The following ACOT7 variants were observed in gnomAD, a reference collection of about 807,000 sequenced individuals.
ACOT7 encodes cytosolic acyl coenzyme A thioester hydrolase.
A neutral mutation model predicts 40.2 loss-of-function variants in ACOT7; 12 were observed. The observed-to-expected ratio is 0.30, with a 90% CI of 0.19 to 0.48. The LOEUF is 0.48. ACOT7 is among the 20% of genes least tolerant of loss of function. The pLI, the probability that ACOT7 is intolerant of heterozygous loss-of-function variation, is 0.99. For missense variants in ACOT7, 395 were observed against 530.8 expected (o/e 0.74, Z 2.51); for synonymous variants, 228 against 219.5 (o/e 1.04, Z -0.34).
At position 6,300,249 on chromosome 1, in the gene ACOT7, G is replaced by A. The variant is rs559469753; in HGVS notation, c.713-5269C>T. Among the ~76,000 whole-genome samples the A allele has an allele frequency of 2.4e-4, 37 of 152,304 alleles. No homozygotes were observed. In the South Asian group the frequency reaches 6.4e-3, roughly 26 times the overall value. On this transcript the variant is annotated intron_variant, in intron 6 of 8. Transcript: ENST00000361521. ...AAGGGACACCAAAGCCTAGCATCAGGAGCCAGGACAGCACATGGACACAGG... is the reference window on the plus strand; with the variant it reads ...AAGGGACACCAAAGCCTAGCATCAGAAGCCAGGACAGCACATGGACACAGG...
intron 7 of ACOT7, among the ~76,000 whole-genome samples, chr1:6,293,389 G>A (rs1012123420): frequency 6.6e-6 from 1 of 152,196 alleles, no homozygotes; most frequent in African/African-American, 2.4e-5. Context: ...GCAGAGTCAC[G>A]CACCACACAG....
At chr1:6,374,646 C>T (rs1422798709) in intron 1 of ACOT7, among the ~76,000 whole-genome samples, 8 of 152,148 alleles carry the variant, frequency 5.3e-5, no homozygotes, top group Admixed American at 5.2e-4. Context: ...GGGTCCCTGC[C>T]CCACCTGCCA....
chr1:6,270,843 G>A (rs1006996496), intron 8 of ACOT7, among the ~76,000 whole-genome samples: 1 of 152,226 alleles, frequency 6.6e-6, no homozygotes, highest in African/African-American at 2.4e-5. Context: ...TGTCCTGCTG[G>A]TGTGTGGCTG....
chr1:6,277,377 C>G (rs1639226031), intron 8 of ACOT7, among the ~76,000 whole-genome samples: 1 of 152,242 alleles, frequency 6.6e-6, no homozygotes, highest in Middle Eastern at 3.2e-3. Flanking sequence ...GGATGCCCCC[C>G]ACTATCAGCT....
intron 8 of ACOT7, among the ~76,000 whole-genome samples, chr1:6,272,536 C>T (rs1210859967): frequency 6.6e-6 from 1 of 152,224 alleles, no homozygotes; most frequent in Non-Finnish European, 1.5e-5. Flanking sequence ...CCTGCACACA[C>T]AGGTGGGGAG....
intron 8 of ACOT7, among the ~76,000 whole-genome samples, chr1:6,280,365 G>T (rs1398738787): frequency 6.6e-6 from 1 of 152,228 alleles, no homozygotes; most frequent in African/African-American, 2.4e-5. Flanking sequence ...CAGAGACAGG[G>T]AAGCTGCCTC....
At chr1:6,376,139 C>T (rs6681298) in intron 1 of ACOT7, among the ~76,000 whole-genome samples, 11,536 of 152,078 alleles carry the variant, frequency 0.076, 485 homozygotes, top group Non-Finnish European at 0.091. Flanking sequence ...CCTTTAATCC[C>T]AGGTACTCAG....
chr1:6,274,074 G>C lies in ACOT7; in HGVS notation c.1014+7028C>G, dbSNP rs1461789579. On this transcript the variant is annotated intron_variant, in intron 8 of 8. Transcript: ENST00000361521. The surrounding 1 kb of genome is among the most constrained non-coding windows in gnomAD (Gnocchi z 5.9). ...TTCGAGAGGAACGGGGCCCATGCGAGGACCCCAGGCCCCTCTGCACACCGT... is the reference window on the plus strand; with the variant it reads ...TTCGAGAGGAACGGGGCCCATGCGACGACCCCAGGCCCCTCTGCACACCGT... 3.9e-5 allele frequency among the ~76,000 whole-genome samples: 6 copies of C among 152,202 alleles called. No individual in the cohort carries two copies. Among genetic ancestry groups the C allele is most frequent in the Admixed American group, 6.5e-5 (1 of 15,284 alleles).
Position 6,339,603 on chromosome 1 carries a change from G to A in ACOT7, c.262-14C>T. On this transcript the variant is annotated splice_polypyrimidine_tract_variant and intron_variant, in intron 2 of 8. Coordinates refer to ENST00000361521, the MANE Select transcript of ACOT7 (RefSeq NM_007274.4). The stretch of plus-strand genomic sequence containing the variant: ...CACACAGCGCTCCTGTGGAGACAGA[G>A]GCAGTTGTCAGCCCAGGTCAGCCAG... The A allele has an allele frequency of 6.2e-7, 1 of 1,609,378 alleles. No individual in the cohort carries two copies. The highest frequency in any genetic ancestry group is 1.1e-5 in the South Asian group (1 of 90,998).
chr1:6,362,806 T>C (rs1641918903), intron 1 of ACOT7, among the ~76,000 whole-genome samples: 2 of 152,016 alleles, frequency 1.3e-5, no homozygotes, highest in African/African-American at 2.4e-5. Flanking sequence ...TCCCAGCACT[T>C]TGGGAGGCTG....
intron 8 of ACOT7, among the ~76,000 whole-genome samples, chr1:6,265,173 C>T (rs1205002779): frequency 6.6e-6 from 1 of 152,204 alleles, no homozygotes; most frequent in Non-Finnish European, 1.5e-5. Flanking sequence ...CCTGCATTCG[C>T]TGCACTCCCA....
chr1:6,357,928 G>A (rs530062242), intron 1 of ACOT7, among the ~76,000 whole-genome samples: 10 of 151,218 alleles, frequency 6.6e-5, no homozygotes, highest in South Asian at 2.1e-4. Context: ...ATGCAGTGGC[G>A]TGATCTTGGC....
In ACOT7 at chr1:6,264,626, G is replaced by A. The variant is rs745847219; in HGVS notation, c.1084C>T (p.Arg362Ter). Residue 362 changes from arginine to a stop codon, truncating the protein, a stop_gained, in exon 9 of 9, where the codon CGA becomes TGA. Coordinates refer to ENST00000361521, the MANE Select transcript of ACOT7 (RefSeq NM_007274.4). LOFTEE classifies it high-confidence loss of function. ...KGRYLQMKAK[R>*]QGHAEPQP ...GGCTGAGGCTCCGCGTGGCCCTGTC[G>A]CTTCGCCTTCATCTGCAGGTACCGC... 9.3e-6 allele frequency: 15 copies of A among 1,613,106 alleles called. No homozygotes were observed. The highest frequency in any genetic ancestry group is 2.2e-5 in the South Asian group (2 of 91,068).
intron 1 of ACOT7, among the ~76,000 whole-genome samples, chr1:6,391,667 G>C (rs1482369181): frequency 6.6e-6 from 1 of 152,178 alleles, no homozygotes; most frequent in East Asian, 1.9e-4. Context: ...GAAGAATACT[G>C]GATCTGGAGT....
intron 6 of ACOT7, among the ~76,000 whole-genome samples, chr1:6,298,280 GCCCGT>G (rs1036154238): frequency 2.0e-5 from 3 of 152,142 alleles, no homozygotes; most frequent in Admixed American, 6.5e-5. Flanking sequence ...GATTACAGGA[GCCCGT>G]CACCATGCCC....
intron 6 of ACOT7, among the ~76,000 whole-genome samples, chr1:6,317,300 T>C (rs1328233462): frequency 2.0e-5 from 3 of 152,232 alleles, no homozygotes; most frequent in African/African-American, 7.2e-5. Context: ...ACAGTAGCCA[T>C]GAAATTACAG....
chr1:6,302,788 T>G (rs529043675), intron 6 of ACOT7, among the ~76,000 whole-genome samples: 1 of 150,458 alleles, frequency 6.6e-6, no homozygotes, highest in South Asian at 2.1e-4. Context: ...GAGAGAGCAA[T>G]GAGGTCAGAT....
intron 1 of ACOT7, among the ~76,000 whole-genome samples, chr1:6,376,861 TA>T (rs1205596468): frequency 2.0e-5 from 3 of 151,782 alleles, no homozygotes; most frequent in Non-Finnish European, 2.9e-5. Context: ...AGACTCTGTC[TA>T]AAAAATAAAA....
chr1:6,320,759 T>C (rs1237263633), intron 5 of ACOT7, among the ~76,000 whole-genome samples: 3 of 152,170 alleles, frequency 2.0e-5, no homozygotes, highest in African/African-American at 7.2e-5. Context: ...CAGATCCCTG[T>C]TGTATTCTTT....
Sources: allele counts gnomAD v4.1 joint callset (sites outside exome capture counted in the v4.1 genomes callset), GRCh38; gene constraint gnomAD v4.1.1; non-coding constraint Gnocchi (gnomAD v3.1); transcripts MANE v1.5; gene names NCBI Gene and HGNC (gene_info 2026-07-23, HGNC 2026-07-21).